Variants in CDKL5 observed in about 807,000 individuals in gnomAD.
The protein encoded by CDKL5 is cyclin-dependent kinase-like 5.
Under a neutral mutation model 61.7 loss-of-function variants are expected in CDKL5, and 8 were observed. That is an observed-to-expected ratio of 0.13 (90% confidence interval 0.08 to 0.23). The LOEUF is 0.23. Among genes scored for constraint, CDKL5 ranks in the 10% least tolerant of loss-of-function variants. The probability of loss-of-function intolerance (pLI) is 1.00; values close to 1 mark genes in which losing one functional copy is unlikely to be tolerated. For synonymous variants in CDKL5, 275 were observed against 272.3 expected (o/e 1.01, Z -0.10); for missense variants, 440 against 734.5 (o/e 0.60, Z 4.63).
At chrX:18,592,848 A>G (rs1602278870) in intron 9 of CDKL5, among the ~76,000 whole-genome samples, 2 of 112,288 alleles carry the variant, frequency 1.8e-5, no homozygotes, top group Admixed American at 9.5e-5. Context: ...TTAGTTGTGT[A>G]GAGACAGGAA....
chrX:18,516,061 C>T (rs1923003406), intron 3 of CDKL5, among the ~76,000 whole-genome samples: 2 of 110,178 alleles, frequency 1.8e-5, no homozygotes, highest in East Asian at 2.8e-4. Context: ...AATCTCTGCT[C>T]ACTGCAACCT....
rs370205762 is a variant in CDKL5 at position 18,477,122 on chromosome X, C to T, written c.-162-29813C>T. ...ATTATTATTTTTTGAGACGGAGTCT[C>T]GCTCTGTCACCGAGGCTGGAGCACA... is the stretch of plus-strand genomic sequence containing the variant. On this transcript the variant is annotated intron_variant, in intron 1 of 17. Transcript: ENST00000623535. Among the ~76,000 whole-genome samples, 24 of 109,178 alleles carry T rather than the reference C, an allele frequency of 2.2e-4. No individual in the cohort carries two copies. In the East Asian group the frequency reaches 6.1e-3, roughly 28 times the overall value. 94.8% of individuals were successfully genotyped at this position (109,178 alleles called of 115,157 possible).
chrX:18,544,131 T>C (rs1413564121), intron 3 of CDKL5, among the ~76,000 whole-genome samples: 2 of 112,293 alleles, frequency 1.8e-5, no homozygotes, highest in African/African-American at 6.5e-5. Flanking sequence ...CTCTGCCTCA[T>C]GCAGAAGCTG....
chrX:18,613,980 G>A (rs1370808006), intron 15 of CDKL5, among the ~76,000 whole-genome samples: 2 of 112,065 alleles, frequency 1.8e-5, no homozygotes, highest in Non-Finnish European at 3.8e-5. Flanking sequence ...TCTGTCTGAG[G>A]AGTAAGGACT....
At chrX:18,508,472 T>C (rs1922666196) in intron 2 of CDKL5, among the ~76,000 whole-genome samples, 2 of 111,844 alleles carry the variant, frequency 1.8e-5, no homozygotes, top group African/African-American at 6.5e-5. Context: ...TACCATCTGT[T>C]CTGGAATAGC....
chrX:18,526,686 T>C (rs1923450676), intron 3 of CDKL5, among the ~76,000 whole-genome samples: 1 of 111,848 alleles, frequency 8.9e-6, no homozygotes, highest in African/African-American at 3.2e-5. Flanking sequence ...AAAAAACGCT[T>C]TTCTGTATCC....
chrX:18,529,378 A>G (rs1249509467), intron 3 of CDKL5, among the ~76,000 whole-genome samples: 2 of 110,851 alleles, frequency 1.8e-5, no homozygotes, highest in Non-Finnish European at 3.8e-5. Flanking sequence ...ATACTCAGTC[A>G]ATAATAGTTA....
intron 3 of CDKL5, among the ~76,000 whole-genome samples, chrX:18,563,175 A>C (rs148916521): frequency 1.6e-3 from 180 of 111,908 alleles, no homozygotes; most frequent in African/African-American, 5.7e-3. Context: ...TTCTGTGAGA[A>C]AAGCAAGAGG....
chrX:18,513,504 T>C (rs759848802), intron 3 of CDKL5, among the ~76,000 whole-genome samples: 1 of 111,458 alleles, frequency 9.0e-6, no homozygotes, highest in Non-Finnish European at 1.9e-5. Flanking sequence ...AAAAAACAAG[T>C]CTGTGAGGTT....
chrX:18,643,542 C>T (rs1358449847), downstream of CDKL5, among the ~76,000 whole-genome samples: 1 of 112,208 alleles, frequency 8.9e-6, no homozygotes. Context: ...AAAAACTTCT[C>T]ATGTCTTTTG....
At chrX:18,608,226 G>C (rs771919842) in intron 12 of CDKL5, among the ~76,000 whole-genome samples, 8 of 111,872 alleles carry the variant, frequency 7.2e-5, no homozygotes, top group Non-Finnish European at 1.3e-4. Flanking sequence ...GAAAATACAT[G>C]AAACATAAGT....
At chrX:18,464,348 C>G (rs1932355234) in intron 1 of CDKL5, among the ~76,000 whole-genome samples, 1 of 110,878 alleles carries the variant, frequency 9.0e-6, no homozygotes, top group Non-Finnish European at 1.9e-5. Context: ...TCCTAAAGTA[C>G]TAGAATTACA....
chrX:18,458,807 T>C (rs185671240), intron 1 of CDKL5, among the ~76,000 whole-genome samples: 97 of 112,829 alleles, frequency 8.6e-4, no homozygotes, highest in African/African-American at 3.1e-3. Context: ...ATTTGACTAG[T>C]GGCTACTGTA....
rs1341518086 is a variant in CDKL5 at position 18,633,288 on chromosome X, GTT to G, written c.*4532_*4533del. ...GTGAAATATTTCCTTGCCTCCTTCAGTTCATCACTAAGAAAGTGTGTAGGCAG... is the reference window on the plus strand; with the variant it reads ...GTGAAATATTTCCTTGCCTCCTTCAGCATCACTAAGAAAGTGTGTAGGCAG... On this transcript the variant is annotated 3_prime_UTR_variant, in exon 18 of 18. Transcript: ENST00000623535. 1 of 752,272 alleles carries G rather than the reference GTT, an allele frequency of 1.3e-6. No homozygotes were observed. The highest frequency in any genetic ancestry group is 1.6e-6 in the Non-Finnish European group (1 of 638,691). The allele number at this position is 752,272 out of a possible 1,213,427, so 62.0% of individuals were successfully genotyped here.
chrX:18,427,457 T>A (rs1031894896), intron 1 of CDKL5, among the ~76,000 whole-genome samples: 1 of 109,610 alleles, frequency 9.1e-6, no homozygotes, highest in Non-Finnish European at 1.9e-5. Flanking sequence ...TTGGCTCTAT[T>A]AAATAATAGA....
intron 8 of CDKL5, among the ~76,000 whole-genome samples, chrX:18,585,140 T>C (rs1477907224): frequency 8.9e-6 from 1 of 111,987 alleles, no homozygotes; most frequent in Non-Finnish European, 1.9e-5. Context: ...ACGCCTGTAA[T>C]CCCAGCACTT....
chrX:18,609,578 C>T lies in CDKL5; in HGVS notation c.2152+8C>T. 1 of 1,210,185 alleles carries T rather than the reference C, an allele frequency of 8.3e-7. No individual in the cohort carries two copies. Among genetic ancestry groups the T allele is most frequent in the Non-Finnish European group, 1.1e-6 (1 of 895,195 alleles). On this transcript the variant is annotated splice_region_variant and intron_variant, in intron 14 of 17. Coordinates refer to ENST00000623535, the MANE Select transcript of CDKL5 (RefSeq NM_001323289.2). ...TTGGTAGCTTTTACAGAGGTAAGCC[C>T]ACCCCCGGCATTCAACAGGTTCCCC...
intron 3 of CDKL5, among the ~76,000 whole-genome samples, chrX:18,536,605 C>CTGGCTAATTTTTGTATTTT (rs1923847195): frequency 9.2e-6 from 1 of 108,414 alleles, no homozygotes; most frequent in Non-Finnish European, 1.9e-5. Context: ...GCCACCACCC[C>CTGGCTAATTTTTGTATTTT]TGGCTAATTT....
chrX:18,446,617 T>C (rs375199071), intron 1 of CDKL5, among the ~76,000 whole-genome samples: 22 of 111,937 alleles, frequency 2.0e-4, no homozygotes, highest in African/African-American at 6.8e-4. Flanking sequence ...ATACAGTATG[T>C]GATTTCTGTG....
Sources: gnomAD v4.1 joint callset for allele counts (sites outside exome capture counted in the v4.1 genomes callset) on GRCh38, gnomAD v4.1.1 for gene constraint, MANE v1.5 for transcripts, NCBI Gene and HGNC (gene_info 2026-07-23, HGNC 2026-07-21) for gene names.